Variants in CNTNAP2 observed in about 807,000 individuals in gnomAD.
The protein encoded by CNTNAP2 is contactin associated protein 2, also known as contactin-associated protein-like 2.
A neutral mutation model predicts 155.2 loss-of-function variants in CNTNAP2; 98 were observed. The ratio of observed to expected loss-of-function variants is 0.63; its 90% CI spans 0.54 to 0.75. The LOEUF is 0.75. Ranked by LOEUF, CNTNAP2 falls within the 30% of genes least tolerant of loss-of-function variation. The pLI is 0.00. For synonymous variants in CNTNAP2, 651 were observed against 631.2 expected, an observed-to-expected ratio of 1.03 and a Z score of -0.47; for missense variants, 1,727 against 1,688.1, an observed-to-expected ratio of 1.02 and a Z score of -0.40.
At chr7:146,477,244 T>G (rs1220895427) in intron 1 of CNTNAP2, among the ~76,000 whole-genome samples, 2 of 152,138 alleles carry the variant, frequency 1.3e-5, no homozygotes, top group East Asian at 3.9e-4. Flanking sequence ...GGACCTCAGT[T>G]GGCACTGTAA....
intron 21 of CNTNAP2, among the ~76,000 whole-genome samples, chr7:148,371,442 A>T (rs897658667): frequency 1.3e-5 from 2 of 152,156 alleles, no homozygotes; most frequent in African/African-American, 2.4e-5. Context: ...GGCTCACGAT[A>T]ATGTCCTCTT....
chr7:147,457,966 AGG>A, intron 10 of CNTNAP2, among the ~76,000 whole-genome samples: 1 of 152,242 alleles, frequency 6.6e-6, no homozygotes, highest in Admixed American at 6.5e-5. Context: ...TCTTTGTATT[AGG>A]GTATTTCTCC....
At chr7:146,333,270 A>G (rs1801216067) in intron 1 of CNTNAP2, among the ~76,000 whole-genome samples, 1 of 152,102 alleles carries the variant, frequency 6.6e-6, no homozygotes, top group Admixed American at 6.5e-5. Flanking sequence ...AGAAGAATAG[A>G]TTACATCAAC....
At chr7:146,489,880 G>A (rs1343564146) in intron 1 of CNTNAP2, among the ~76,000 whole-genome samples, 1 of 152,070 alleles carries the variant, frequency 6.6e-6, no homozygotes, top group South Asian at 2.1e-4. Flanking sequence ...GGAGTGTGCT[G>A]ACTGGTTTGA....
chr7:146,969,816 A>G lies in CNTNAP2; in HGVS notation c.403-74091A>G, dbSNP rs569785532. On this transcript the variant is annotated intron_variant, in intron 3 of 23. Transcript: ENST00000361727. ...GCTACCTGACTTCAAACTATACTAC[A>G]AGGCTACAGTAATCAAAACAGCATG... Among the ~76,000 whole-genome samples the G allele has an allele frequency of 2.0e-5, 3 of 152,290 alleles. No individual in the cohort carries two copies. In the East Asian group the frequency reaches 5.8e-4, roughly 29 times the overall value.
chr7:146,856,352 AATAG>A (rs1231100865), intron 3 of CNTNAP2, among the ~76,000 whole-genome samples: 2 of 152,056 alleles, frequency 1.3e-5, no homozygotes, highest in Non-Finnish European at 2.9e-5. Context: ...ATAGGCAGGC[AATAG>A]ATAGATAAAA....
At chr7:146,758,734 A>G (rs1408431679) in intron 1 of CNTNAP2, among the ~76,000 whole-genome samples, 1 of 152,316 alleles carries the variant, frequency 6.6e-6, no homozygotes, top group Non-Finnish European at 1.5e-5. Flanking sequence ...GGTCCCTCCC[A>G]CAACAAGTGG....
intron 9 of CNTNAP2, among the ~76,000 whole-genome samples, chr7:147,355,943 G>C (rs947971151): frequency 1.1e-4 from 16 of 152,080 alleles, no homozygotes; most frequent in African/African-American, 3.6e-4. Context: ...TATGAGGCCA[G>C]CATCATCCTG....
chr7:146,593,866 T>A (rs1210551661), intron 1 of CNTNAP2, among the ~76,000 whole-genome samples: 1 of 152,194 alleles, frequency 6.6e-6, no homozygotes, highest in African/African-American at 2.4e-5. Flanking sequence ...CTAATTGCAG[T>A]AAGAATCTTG....
intron 15 of CNTNAP2, among the ~76,000 whole-genome samples, chr7:148,027,712 A>T (rs1252969971): frequency 6.6e-6 from 1 of 152,208 alleles, no homozygotes; most frequent in Non-Finnish European, 1.5e-5. Context: ...CTATGATTTT[A>T]TTTTGTAAAG....
intron 4 of CNTNAP2, chr7:147,082,946 C>G (rs1325529557): frequency 6.6e-6 from 1 of 152,084 alleles, no homozygotes; most frequent in Non-Finnish European, 1.5e-5. Context: ...ACTGCAATTT[C>G]CAGAGGCAGG....
At chr7:148,080,466 C>T (rs1332385035) in intron 15 of CNTNAP2, among the ~76,000 whole-genome samples, 7 of 151,636 alleles carry the variant, frequency 4.6e-5, no homozygotes, top group Non-Finnish European at 7.4e-5. Context: ...ATTAGCCTGG[C>T]GTGGTGGCGG....
chr7:147,131,337 A>G (rs1293844987), intron 7 of CNTNAP2, among the ~76,000 whole-genome samples: 1 of 151,862 alleles, frequency 6.6e-6, no homozygotes, highest in African/African-American at 2.4e-5. Context: ...ATATCATCCA[A>G]TTACATTCCT....
At chr7:147,758,721 T>A (rs1797254046) in intron 13 of CNTNAP2, among the ~76,000 whole-genome samples, 1 of 152,064 alleles carries the variant, frequency 6.6e-6, no homozygotes, top group Admixed American at 6.5e-5. Context: ...GGTGTATGAC[T>A]GTGGGCCCAG....
At chr7:147,763,103 T>C (rs1328375578) in intron 13 of CNTNAP2, among the ~76,000 whole-genome samples, 1 of 151,668 alleles carries the variant, frequency 6.6e-6, no homozygotes, top group Non-Finnish European at 1.5e-5. Context: ...CTACTAAAAA[T>C]ACAAAATTAG....
At chr7:147,233,583 C>CAA (rs11354058) in intron 8 of CNTNAP2, among the ~76,000 whole-genome samples, 33 of 135,960 alleles carry the variant, frequency 2.4e-4, no homozygotes, top group African/African-American at 8.3e-4. Flanking sequence ...ACCAAAAAAG[C>CAA]AAAAAAAAAA....
chr7:148,248,449 G>T (rs1007164362), intron 20 of CNTNAP2, among the ~76,000 whole-genome samples: 1 of 151,846 alleles, frequency 6.6e-6, no homozygotes, highest in African/African-American at 2.4e-5. Context: ...TGCCTGCCTC[G>T]GCCTTCCAAA....
chr7:147,982,088 T>C (rs1169699658), intron 15 of CNTNAP2, among the ~76,000 whole-genome samples: 2 of 152,174 alleles, frequency 1.3e-5, no homozygotes, highest in Non-Finnish European at 2.9e-5. Context: ...TTTCATACTT[T>C]CATGAAATTA....
At chr7:147,824,670 A>C (rs1490643748) in intron 13 of CNTNAP2, among the ~76,000 whole-genome samples, 2 of 152,058 alleles carry the variant, frequency 1.3e-5, no homozygotes, top group Admixed American at 6.6e-5. Context: ...ATGATTCTTA[A>C]TACTTGAAAA....
Sources: allele counts gnomAD v4.1 joint callset (sites outside exome capture counted in the v4.1 genomes callset), GRCh38; gene constraint gnomAD v4.1.1; transcripts MANE v1.5; gene names NCBI Gene and HGNC (gene_info 2026-07-23, HGNC 2026-07-21).